TNNC2: variants seen among roughly 807,000 people sequenced by gnomAD.
The protein encoded by TNNC2 is troponin C2, fast skeletal type.
In TNNC2, 14 loss-of-function variants were observed where a neutral mutation model predicts 20.0. That is an observed-to-expected ratio of 0.70 (90% CI 0.46 to 1.09). The LOEUF is 1.09. TNNC2 is among the 50% of genes least tolerant of loss of function. The pLI is 0.00. For synonymous variants in TNNC2, 81 were observed against 77.3 expected, an observed-to-expected ratio of 1.05 and a Z score of -0.25; for missense variants, 163 against 223.8, an observed-to-expected ratio of 0.73 and a Z score of 1.73.
chr20:45,828,516 AG>A (rs1435763042), upstream of TNNC2, among the ~76,000 whole-genome samples: 1 of 152,154 alleles, frequency 6.6e-6, no homozygotes, highest in Non-Finnish European at 1.5e-5. Context: ...CTCCAGGGAA[AG>A]GGTGTTTGGA....
chr20:45,824,243 G>A (rs757029275), intron 4 of TNNC2, 49 bp downstream of exon 4: 10 of 1,602,872 alleles, frequency 6.2e-6, no homozygotes, highest in Admixed American at 5.0e-5. Flanking sequence ...GCTGCCGGCC[G>A]GGTTCTGACT....
intron 1 of TNNC2, among the ~76,000 whole-genome samples, chr20:45,825,080 C>A (rs946862697): frequency 6.6e-6 from 1 of 151,900 alleles, no homozygotes; most frequent in Non-Finnish European, 1.5e-5. Flanking sequence ...ACCTCCTGGG[C>A]TCAAGCAATC....
At chr20:45,825,656 C>G (rs899998198) in intron 1 of TNNC2, among the ~76,000 whole-genome samples, 1 of 150,872 alleles carries the variant, frequency 6.6e-6, no homozygotes, top group Non-Finnish European at 1.5e-5. Context: ...CTCTTGTTGC[C>G]TAGGCTGCAG....
Position 45,823,960 on chromosome 20 carries a change from CCGCTCTTCCCAAGCTCCCGTT to C in TNNC2, c.451+10_451+30del. On this transcript the variant is annotated intron_variant, in intron 5 of 5. Transcript: ENST00000372555. This position sits in a 1 kb window ranked among gnomAD's most constrained non-coding sequence, Gnocchi z 4.6. ...GCCCGCCGTCCTCTGGGGCTCCCACCCGCTCTTCCCAAGCTCCCGTTGGCCCTCACCGTCGAAGTCAATGCG... is the reference window on the plus strand; with the variant it reads ...GCCCGCCGTCCTCTGGGGCTCCCACCGGCCCTCACCGTCGAAGTCAATGCG... 1 of 1,613,314 alleles carries C rather than the reference CCGCTCTTCCCAAGCTCCCGTT, an allele frequency of 6.2e-7. No homozygotes were observed. The highest frequency in any genetic ancestry group is 2.2e-5 in the East Asian group (1 of 44,864).
upstream of TNNC2, among the ~76,000 whole-genome samples, chr20:45,832,237 G>A (rs946689527): frequency 1.2e-4 from 18 of 152,310 alleles, no homozygotes; most frequent in African/African-American, 3.9e-4. Context: ...TTGAACCTGG[G>A]AGGCAGAGGT....
In TNNC2 at chr20:45,824,782, C is replaced by A; in HGVS notation, c.55+1G>T. 6.2e-7 allele frequency: 1 copy of A among 1,611,920 alleles called. No homozygotes were observed. Among genetic ancestry groups the A allele is most frequent in the East Asian group, 2.2e-5 (1 of 44,730 alleles). ...CCCCCAGCCTGCCGCGCCTCACTCA[C>A]CAGCGATCATCTCTTCGCTGAGGTA... On this transcript the variant is annotated splice_donor_variant, in intron 2 of 5. Transcript: ENST00000372555. LOFTEE classifies it high-confidence loss of function.
chr20:45,830,139 C>T (rs1601058472), upstream of TNNC2, among the ~76,000 whole-genome samples: 1 of 151,404 alleles, frequency 6.6e-6, no homozygotes, highest in Non-Finnish European at 1.5e-5. Flanking sequence ...TCGAGACCAT[C>T]CTGGCCAGCA....
rs778803640 is a variant in TNNC2 at position 45,824,665 on chromosome 20, T to C, written c.56-27A>G. On this transcript the variant is annotated intron_variant, in intron 2 of 5. Transcript: ENST00000372555. ...TGCGAGGGAGGGCAGAGGGCAGAGGTGAGGCCTGCTGGACTGTCAGCCTCA... is the reference window on the plus strand; with the variant it reads ...TGCGAGGGAGGGCAGAGGGCAGAGGCGAGGCCTGCTGGACTGTCAGCCTCA... The C allele has an allele frequency of 3.7e-6, 6 of 1,605,710 alleles. No homozygotes were observed. In the African/African-American group the frequency reaches 8.0e-5, roughly 22 times the overall value.
Position 45,824,556 on chromosome 20 carries a change from C to T in TNNC2, c.138G>A (p.Met46Ile). Residue 46 changes from methionine (M) to isoleucine (I), a missense_variant, in exon 3 of 6, where the codon ATG becomes ATA. Coordinates refer to ENST00000372555, the MANE Select transcript of TNNC2 (RefSeq NM_003279.3). ...SVKELGTVMR[M>I]LGQTPTKEEL... is the part of the protein sequence containing the mutation. ...CCTCCTTGGTGGGTGTCTGGCCCAG[C>T]ATCCTCATCACCGTGCCCAACTCCT... The T allele has an allele frequency of 6.2e-7, 1 of 1,613,480 alleles. No individual in the cohort carries two copies. The highest frequency in any genetic ancestry group is 8.5e-7 in the Non-Finnish European group (1 of 1,180,036).
intron 1 of TNNC2, among the ~76,000 whole-genome samples, chr20:45,826,530 T>A (rs1473318359): frequency 6.6e-6 from 1 of 152,208 alleles, no homozygotes; most frequent in African/African-American, 2.4e-5. Flanking sequence ...CAAGGAGCTC[T>A]TCAGCCAGCT....
In TNNC2 at chr20:45,824,771, C is replaced by T. The variant is rs759251704; in HGVS notation, c.55+12G>A. On this transcript the variant is annotated intron_variant, in intron 2 of 5. Transcript: ENST00000372555. ...CATCCACCCAGCCCCCAGCCTGCCG[C>T]GCCTCACTCACCAGCGATCATCTCT... 1.4e-5 allele frequency: 23 copies of T among 1,612,878 alleles called. No individual in the cohort carries two copies. The African/African-American group carries it at 2.7e-4, about 19-fold the overall frequency.
At chr20:45,826,340 G>A (rs577740158) in intron 1 of TNNC2, among the ~76,000 whole-genome samples, 1 of 152,314 alleles carries the variant, frequency 6.6e-6, no homozygotes, top group Non-Finnish European at 1.5e-5. Flanking sequence ...GTCGGAGGCT[G>A]TCAGCTTCCT....
At chr20:45,828,226 T>C (rs1292228438), upstream of TNNC2, among the ~76,000 whole-genome samples, 2 of 146,890 alleles carry the variant, frequency 1.4e-5, no homozygotes, top group African/African-American at 5.0e-5. Flanking sequence ...TTTATAGAGA[T>C]GGGGTTTCAC....
chr20:45,824,959 A>G, intron 1 of TNNC2, 125 bp from the exon 2 acceptor site: 1 of 1,023,938 alleles, frequency 9.8e-7, no homozygotes, highest in Non-Finnish European at 1.5e-6. Context: ...ACAACTTCAA[A>G]CTTGTCACAT....
Position 45,823,725 on chromosome 20 carries a change from T to G in TNNC2, c.451+266A>C, listed in dbSNP as rs1263335705. On this transcript the variant is annotated intron_variant, in intron 5 of 5. Transcript: ENST00000372555. The surrounding 1 kb of genome is among the most constrained non-coding windows in gnomAD (Gnocchi z 4.6). ...CCAGGCTGGTCTCGAACTCTTGGCC[T>G]CAAGCAATCCTCCCACCTCATCCTC... Among the ~76,000 whole-genome samples, 2 of 152,088 alleles carry G rather than the reference T, an allele frequency of 1.3e-5. No individual in the cohort carries two copies. The highest frequency in any genetic ancestry group is 4.8e-5 in the African/African-American group (2 of 41,412).
At chr20:45,826,015 C>A (rs144286234) in intron 1 of TNNC2, among the ~76,000 whole-genome samples, 20 of 148,574 alleles carry the variant, frequency 1.3e-4, no homozygotes, top group East Asian at 6.1e-4. Flanking sequence ...ACCCCCCCCA[C>A]CCCCCAGTGA....
chr20:45,824,154 C>T (rs1380369447), intron 4 of TNNC2, 27 bp from the exon 5 acceptor site: 6 of 1,611,144 alleles, frequency 3.7e-6, no homozygotes, highest in South Asian at 1.1e-5. Flanking sequence ...CAGGGCAGGG[C>T]TCAGGGCCGG....
At chr20:45,825,534 C>T (rs1982945590) in intron 1 of TNNC2, among the ~76,000 whole-genome samples, 2 of 151,812 alleles carry the variant, frequency 1.3e-5, no homozygotes, top group Admixed American at 1.3e-4. Flanking sequence ...TCAGGTGATC[C>T]GCCCACCTCG....
At chr20:45,825,708 C>T (rs2145727573) in intron 1 of TNNC2, among the ~76,000 whole-genome samples, 1 of 152,110 alleles carries the variant, frequency 6.6e-6, no homozygotes, top group South Asian at 2.1e-4. Context: ...GCAACCCCCA[C>T]CTCCGGGGTT....
Sources: gnomAD v4.1 joint callset for allele counts (sites outside exome capture counted in the v4.1 genomes callset) on GRCh38, gnomAD v4.1.1 for gene constraint, Gnocchi (gnomAD v3.1) non-coding constraint, MANE v1.5 for transcripts, NCBI Gene and HGNC (gene_info 2026-07-23, HGNC 2026-07-21) for gene names.